The following SYNPR variants were observed in gnomAD, a reference collection of about 807,000 sequenced individuals.
SYNPR encodes synaptoporin.
SYNPR carries 23 observed loss-of-function variants against 32.9 expected under a neutral mutation model. The ratio of observed to expected loss-of-function variants is 0.70; its 90% CI spans 0.50 to 0.99. The LOEUF (loss-of-function observed/expected upper bound fraction) is 0.99, where lower values mean the gene tolerates loss of function less well. SYNPR is among the 50% of genes least tolerant of loss of function. The pLI, the probability that SYNPR is intolerant of heterozygous loss-of-function variation, is 0.00. For synonymous variants in SYNPR, 146 were observed against 135.9 expected (o/e 1.07, Z -0.52); for missense variants, 318 against 349.3 (o/e 0.91, Z 0.71).
chr3:63,224,808 T>C (rs984882647), upstream of SYNPR, among the ~76,000 whole-genome samples: 11 of 152,332 alleles, frequency 7.2e-5, no homozygotes, highest in African/African-American at 2.6e-4. Context: ...CCTCAGGCTA[T>C]GCCTACTACA....
At chr3:63,345,187 G>A (rs975858474) in intron 2 of SYNPR, among the ~76,000 whole-genome samples, 2 of 152,166 alleles carry the variant, frequency 1.3e-5, no homozygotes, top group South Asian at 4.1e-4. Context: ...TTAATCTCGT[G>A]ACCTTTCATT....
chr3:63,235,352 A>G (rs1158595963), intron 1 of SYNPR, among the ~76,000 whole-genome samples: 1 of 152,166 alleles, frequency 6.6e-6, no homozygotes, highest in East Asian at 1.9e-4. Context: ...TTTACTGTCC[A>G]CCTATTTTAA....
At chr3:63,440,069 A>G (rs1315122678) in intron 2 of SYNPR, among the ~76,000 whole-genome samples, 1 of 152,234 alleles carries the variant, frequency 6.6e-6, no homozygotes, top group Non-Finnish European at 1.5e-5. Context: ...ATCAGGCAAT[A>G]AAGTGCAAAA....
At chr3:63,299,201 G>T (rs569929287) in intron 2 of SYNPR, among the ~76,000 whole-genome samples, 4 of 152,224 alleles carry the variant, frequency 2.6e-5, no homozygotes, top group African/African-American at 7.2e-5. Flanking sequence ...GTTATCAAAA[G>T]GCAAGGAGTT....
chr3:63,518,912 A>C (rs1160946442), intron 3 of SYNPR, among the ~76,000 whole-genome samples: 1 of 152,202 alleles, frequency 6.6e-6, no homozygotes, highest in Non-Finnish European at 1.5e-5. Context: ...AATAGCAAAG[A>C]TATGGAGCCA....
intron 2 of SYNPR, chr3:63,443,374 C>G: frequency 6.4e-7 from 1 of 1,566,986 alleles, no homozygotes; most frequent in Non-Finnish European, 8.7e-7. Context: ...GACAGAGAAG[C>G]TTTATTTTTA....
intron 3 of SYNPR, among the ~76,000 whole-genome samples, chr3:63,512,502 A>G (rs1454429429): frequency 6.6e-6 from 1 of 152,176 alleles, no homozygotes; most frequent in African/African-American, 2.4e-5. Context: ...ATCCTGCATT[A>G]TCTGGGTGAG....
the SYNPR span, among the ~76,000 whole-genome samples, chr3:63,209,253 G>A: frequency 1.8e-3 from 266 of 146,476 alleles, 1 homozygote; most frequent in African/African-American, 6.4e-3. Context: ...GGGGGGCGGA[G>A]CCTGCAGCGA....
chr3:63,462,692 T>C (rs1471437300), intron 2 of SYNPR, among the ~76,000 whole-genome samples: 1 of 152,130 alleles, frequency 6.6e-6, no homozygotes, highest in Non-Finnish European at 1.5e-5. Flanking sequence ...ATTTATCTCT[T>C]TGGAATGATG....
chr3:63,609,780 C>T (rs187810912), intron 5 of SYNPR, among the ~76,000 whole-genome samples: 40 of 152,184 alleles, frequency 2.6e-4, no homozygotes, highest in African/African-American at 9.4e-4. Flanking sequence ...CACGGTGGCT[C>T]ATGCCTATAG....
At chr3:63,571,213 C>T (rs534018406) in intron 4 of SYNPR, among the ~76,000 whole-genome samples, 1 of 152,252 alleles carries the variant, frequency 6.6e-6, no homozygotes, top group South Asian at 2.1e-4. Flanking sequence ...TCTACCTAAC[C>T]ATGGGATCTT....
At chr3:63,463,306 G>A (rs1193636675) in intron 2 of SYNPR, among the ~76,000 whole-genome samples, 7 of 152,090 alleles carry the variant, frequency 4.6e-5, no homozygotes, top group South Asian at 2.1e-4. Context: ...AATAGATACA[G>A]TTTTGGTGCA....
chr3:63,269,010 T>C (rs1006786921), intron 3 of SYNPR, among the ~76,000 whole-genome samples: 19 of 152,236 alleles, frequency 1.2e-4, no homozygotes, highest in African/African-American at 3.6e-4. Flanking sequence ...GAGAAACCAT[T>C]ATATATTTAA....
chr3:63,467,960 G>A (rs1700715830), intron 2 of SYNPR, among the ~76,000 whole-genome samples: 1 of 152,034 alleles, frequency 6.6e-6, no homozygotes, highest in Admixed American at 6.6e-5. Context: ...AGCAGTTTGG[G>A]AGGTTGAGGC....
chr3:63,584,299 G>A (rs1294019567), intron 4 of SYNPR, among the ~76,000 whole-genome samples: 1 of 152,140 alleles, frequency 6.6e-6, no homozygotes, highest in East Asian at 1.9e-4. Flanking sequence ...GAAAGCATAT[G>A]TGGAGTCACT....
intron 2 of SYNPR, among the ~76,000 whole-genome samples, chr3:63,436,503 G>A (rs758266716): frequency 2.6e-4 from 39 of 152,020 alleles, no homozygotes; most frequent in Non-Finnish European, 5.1e-4. Context: ...AACCTGAGTC[G>A]CCTTGTCTCC....
intron 5 of SYNPR, among the ~76,000 whole-genome samples, chr3:63,613,701 TAGTA>T (rs1429323497): frequency 2.7e-5 from 4 of 150,558 alleles, no homozygotes; most frequent in African/African-American, 4.9e-5. Context: ...GTTTACCATT[TAGTA>T]AGTATTTGCT....
chr3:63,268,136 G>A (rs879511339), intron 3 of SYNPR, among the ~76,000 whole-genome samples: 1 of 152,160 alleles, frequency 6.6e-6, no homozygotes, highest in Non-Finnish European at 1.5e-5. Context: ...GTGTAAGTGA[G>A]AGGGGAAGTC....
Position 63,499,378 on chromosome 3 carries a change from G to A in SYNPR, c.209+18422G>A, listed in dbSNP as rs1166946881. Among the ~76,000 whole-genome samples, 3 of 152,078 alleles carry A rather than the reference G, an allele frequency of 2.0e-5. No homozygotes were observed. In the South Asian group the frequency reaches 6.2e-4, roughly 32 times the overall value. Reference sequence around the variant, plus strand: ...TGCAATAGTTTTTTTCTTAATAAATGAGGAAATGACCTGTTGTAGAAAGCT... The same window carrying A: ...TGCAATAGTTTTTTTCTTAATAAATAAGGAAATGACCTGTTGTAGAAAGCT... On this transcript the variant is annotated intron_variant, in intron 3 of 5. Transcript: ENST00000478300.
Sources: allele counts gnomAD v4.1 joint callset (sites outside exome capture counted in the v4.1 genomes callset), GRCh38; gene constraint gnomAD v4.1.1; transcripts MANE v1.5; gene names NCBI Gene and HGNC (gene_info 2026-07-23, HGNC 2026-07-21).